The following UPK1B variants were observed in gnomAD, a reference collection of about 807,000 sequenced individuals.
UPK1B encodes uroplakin 1B, also known as uroplakin-1b.
UPK1B carries 28 observed loss-of-function variants against 34.2 expected under a neutral mutation model. The ratio of observed to expected loss-of-function variants is 0.82; its 90% CI spans 0.61 to 1.12. The LOEUF (loss-of-function observed/expected upper bound fraction) is 1.12, where lower values mean the gene tolerates loss of function less well. Among genes scored for constraint, UPK1B ranks in the 50% most tolerant of loss-of-function variants. The probability of loss-of-function intolerance (pLI) is 0.00; values close to 1 mark genes in which losing one functional copy is unlikely to be tolerated. For synonymous variants in UPK1B, 81 were observed against 110.4 expected (o/e 0.73, Z 1.67); for missense variants, 325 against 320.9 (o/e 1.01, Z -0.10).
At chr3:119,188,365 T>G (rs2078029177) in intron 3 of UPK1B, among the ~76,000 whole-genome samples, 2 of 152,206 alleles carry the variant, frequency 1.3e-5, no homozygotes, top group African/African-American at 2.4e-5. Flanking sequence ...TTAAAACATT[T>G]TGATATTAAT....
chr3:119,175,853 C>A (rs4487235), intron 1 of UPK1B: 42,678 of 152,150 alleles, frequency 0.28, 6,186 homozygotes, highest in East Asian at 0.43. Flanking sequence ...TAATTGAATT[C>A]TTTTGACTTT....
intron 6 of UPK1B, among the ~76,000 whole-genome samples, chr3:119,198,777 T>C (rs1474565022): frequency 6.6e-6 from 1 of 152,202 alleles, no homozygotes; most frequent in Non-Finnish European, 1.5e-5. Flanking sequence ...ATATTCAGTA[T>C]AGAAAGAGGG....
intron 4 of UPK1B, among the ~76,000 whole-genome samples, 164 bp downstream of exon 4, chr3:119,190,483 C>G (rs1347097314): frequency 6.6e-6 from 1 of 152,156 alleles, no homozygotes; most frequent in Non-Finnish European, 1.5e-5. Context: ...CATTATCACT[C>G]TGGTCATTTG....
At chr3:119,200,383 A>C (rs981453373) in intron 7 of UPK1B, among the ~76,000 whole-genome samples, 1 of 152,210 alleles carries the variant, frequency 6.6e-6, no homozygotes, top group Non-Finnish European at 1.5e-5. Flanking sequence ...GATCAGTTGC[A>C]ATTTGGAATC....
At position 119,199,914 on chromosome 3, in the gene UPK1B, T is replaced by C. The variant is rs2078084083; in HGVS notation, c.732+774T>C. Among the ~76,000 whole-genome samples, 3 of 152,272 alleles carry C rather than the reference T, an allele frequency of 2.0e-5. No homozygotes were observed. In the South Asian group the frequency reaches 6.2e-4, roughly 32 times the overall value. Reference sequence around the variant, plus strand: ...GCATTTACCCCATTGGAAATTAACATAGAAAAATTTAAAATATTTATTTTA... The same window carrying C: ...GCATTTACCCCATTGGAAATTAACACAGAAAAATTTAAAATATTTATTTTA... On this transcript the variant is annotated intron_variant, in intron 7 of 7. Coordinates refer to ENST00000264234, the MANE Select transcript of UPK1B (RefSeq NM_006952.4).
chr3:119,199,706 C>T (rs1181965442), intron 7 of UPK1B, among the ~76,000 whole-genome samples: 1 of 152,182 alleles, frequency 6.6e-6, no homozygotes, highest in Non-Finnish European at 1.5e-5. Context: ...TCTGAGACTT[C>T]GATTTAGTTG....
intron 7 of UPK1B, among the ~76,000 whole-genome samples, chr3:119,199,654 G>A (rs1030129486): frequency 2.0e-5 from 3 of 152,172 alleles, no homozygotes; most frequent in South Asian, 2.1e-4. Context: ...ACATTAAAAC[G>A]CCATGGGGAA....
chr3:119,203,060 A>T (rs1355571261), intron 7 of UPK1B, among the ~76,000 whole-genome samples: 1 of 152,132 alleles, frequency 6.6e-6, no homozygotes, highest in Non-Finnish European at 1.5e-5. Context: ...TCTGATATCT[A>T]GGCCAGGCGT....
At chr3:119,175,542 C>G (rs1036311313) in intron 1 of UPK1B, among the ~76,000 whole-genome samples, 4 of 147,000 alleles carry the variant, frequency 2.7e-5, no homozygotes, top group African/African-American at 1.0e-4. Context: ...CCCCCTCCCC[C>G]CCGCCCCAAG....
chr3:119,202,675 G>A (rs935663173), intron 7 of UPK1B, among the ~76,000 whole-genome samples: 1 of 152,140 alleles, frequency 6.6e-6, no homozygotes, highest in African/African-American at 2.4e-5. Context: ...CTCAGCCCTT[G>A]CCTAAGTCAG....
intron 3 of UPK1B, among the ~76,000 whole-genome samples, chr3:119,188,643 A>G (rs1328442047): frequency 6.6e-6 from 1 of 152,168 alleles, no homozygotes; most frequent in Non-Finnish European, 1.5e-5. Context: ...AGACAGCAAG[A>G]CCATGCCCTG....
At chr3:119,180,745 C>T (rs1407715156) in intron 1 of UPK1B, among the ~76,000 whole-genome samples, 1 of 151,760 alleles carries the variant, frequency 6.6e-6, no homozygotes, top group Non-Finnish European at 1.5e-5. Context: ...AAAAAAAGTG[C>T]ATTACTCTAC....
chr3:119,198,272 C>A (rs188688348), intron 6 of UPK1B, among the ~76,000 whole-genome samples: 21 of 152,280 alleles, frequency 1.4e-4, no homozygotes, highest in Non-Finnish European at 2.2e-4. Flanking sequence ...GAGGCAGAGC[C>A]GCATGGTCCA....
Position 119,191,052 on chromosome 3 carries a change from A to T in UPK1B, c.416A>T (p.Asp139Val). The change falls in exon 5 of 8, where the codon GAC (aspartate) becomes GTC (valine). Residue 139 changes from aspartate to valine, a missense_variant. Asp to Val is a radical substitution (Grantham distance 152). Transcript: ENST00000264234. Reference protein sequence around the residue: ...YQNNSPPNNDDQWKNNGVTKT... With the variant: ...YQNNSPPNNDVQWKNNGVTKT... ...AACAACAGCCCTCCAAACAATGATG[A>T]CCAGTGGAAAAACAATGGAGTCACC... 6.2e-7 allele frequency: 1 copy of T among 1,614,046 alleles called. No homozygotes were observed. Among genetic ancestry groups the T allele is most frequent in the Non-Finnish European group, 8.5e-7 (1 of 1,179,944 alleles).
chr3:119,204,536 C>T lies in UPK1B; in HGVS notation c.*569C>T, dbSNP rs2078110108. The T allele has an allele frequency of 6.5e-6, 1 of 152,840 alleles. No individual in the cohort carries two copies. Among genetic ancestry groups the T allele is most frequent in the African/African-American group, 2.4e-5 (1 of 41,446 alleles). The allele number at this position is 152,840 out of a possible 1,614,324, so 9.5% of individuals were successfully genotyped here. On this transcript the variant is annotated 3_prime_UTR_variant, in exon 8 of 8. Coordinates refer to ENST00000264234, the MANE Select transcript of UPK1B (RefSeq NM_006952.4). ...TAATTCTTAACAGTGGTTCAAATTTCCTTTCATACCTTGAAGTATGTGTTT... is the reference window on the plus strand; with the variant it reads ...TAATTCTTAACAGTGGTTCAAATTTTCTTTCATACCTTGAAGTATGTGTTT...
Position 119,191,082 on chromosome 3 carries a change from C to T in UPK1B, c.446C>T (p.Thr149Ile), listed in dbSNP as rs555087775. The T allele has an allele frequency of 2.0e-5, 32 of 1,614,008 alleles. No homozygotes were observed. In the South Asian group the frequency reaches 3.0e-4, roughly 15 times the overall value. Residue 149 changes from threonine to isoleucine, a missense_variant, in exon 5 of 8, where the codon ACC becomes ATC. Physicochemically the swap from Thr to Ile is moderately conservative, Grantham distance 89. Coordinates refer to ENST00000264234, the MANE Select transcript of UPK1B (RefSeq NM_006952.4). ...DQWKNNGVTK[T>I]WDRLMLQDNC... ...TGGAAAAACAATGGAGTCACCAAAA[C>T]CTGGGACAGGCTCATGCTCCAGGTA...
At chr3:119,195,411 T>C (rs546969530) in intron 6 of UPK1B, among the ~76,000 whole-genome samples, 1 of 152,210 alleles carries the variant, frequency 6.6e-6, no homozygotes, top group African/African-American at 2.4e-5. Flanking sequence ...CATGTTCAGA[T>C]TGAGGGACAT....
chr3:119,191,129 T>C, intron 5 of UPK1B, 25 bp downstream of exon 5: 1 of 1,612,212 alleles, frequency 6.2e-7, no homozygotes, highest in Non-Finnish European at 8.5e-7. Flanking sequence ...CTTGGGGAGA[T>C]GCCATTTTTA....
At position 119,189,462 on chromosome 3, in the gene UPK1B, C is replaced by G. The variant is rs2078034470; in HGVS notation, c.271-783C>G. ...GAACTCTTGCAAACAGTCCCCATCC[C>G]AGATTCAGAGGTCATTTGCTGTTCG... On this transcript the variant is annotated intron_variant, in intron 3 of 7. Transcript: ENST00000264234. Among the ~76,000 whole-genome samples the G allele has an allele frequency of 2.6e-5, 4 of 152,240 alleles. No individual in the cohort carries two copies. The South Asian group carries it at 8.3e-4, about 31-fold the overall frequency.
Sources: allele counts gnomAD v4.1 joint callset (sites outside exome capture counted in the v4.1 genomes callset), GRCh38; gene constraint gnomAD v4.1.1; transcripts MANE v1.5; gene names NCBI Gene and HGNC (gene_info 2026-07-23, HGNC 2026-07-21).